ZNF500: variants seen among roughly 807,000 people sequenced by gnomAD.
ZNF500 encodes the protein zinc finger protein with KRAB and SCAN domains 18.
In ZNF500, 31 loss-of-function variants were observed where a neutral mutation model predicts 30.1. The observed-to-expected ratio is 1.03, with a 90% CI of 0.77 to 1.39. ZNF500 has a LOEUF of 1.39. Among genes scored for constraint, ZNF500 ranks in the 40% most tolerant of loss-of-function variants. ZNF500 has a pLI of 0.00. For missense variants in ZNF500, 817 were observed against 657.8 expected, an observed-to-expected ratio of 1.24 and a Z score of -2.65; for synonymous variants, 392 against 282.0, an observed-to-expected ratio of 1.39 and a Z score of -3.91.
chr16:4,749,024 C>T lies in ZNF500; in HGVS notation c.*3352G>A, dbSNP rs2082052963. 1 of 152,346 alleles carries T rather than the reference C, an allele frequency of 6.6e-6. No homozygotes were observed. Among genetic ancestry groups the T allele is most frequent in the Non-Finnish European group, 1.5e-5 (1 of 68,124 alleles). The allele number at this position is 152,346 out of a possible 1,614,324, so 9.4% of individuals were successfully genotyped here. A position where few individuals can be genotyped will look rare whatever the true frequency, so the allele number is the denominator to read the frequency against. On this transcript the variant is annotated 3_prime_UTR_variant, in exon 6 of 6. Coordinates refer to ENST00000219478, the MANE Select transcript of ZNF500 (RefSeq NM_021646.4). ...GTGATCTGGCCACTGGGGACCCCCA[C>T]CCGACCCCACTCCCAATGATGAGGG...
At chr16:4,753,416 C>G (rs1470268934) in intron 5 of ZNF500, among the ~76,000 whole-genome samples, 1 of 152,170 alleles carries the variant, frequency 6.6e-6, no homozygotes, top group Non-Finnish European at 1.5e-5. Flanking sequence ...GAGCTGTGAT[C>G]GCGCCACTAC....
chr16:4,762,171 C>T, intron 4 of ZNF500, 100 bp downstream of exon 4: 2 of 1,372,662 alleles, frequency 1.5e-6, no homozygotes, highest in Non-Finnish European at 2.0e-6. Context: ...ACATCCAAAA[C>T]CTTGGCCCCC....
chr16:4,747,667 C>G (rs763493455), downstream of ZNF500: 2 of 1,564,162 alleles, frequency 1.3e-6, no homozygotes, highest in South Asian at 1.2e-5. Context: ...CAGGGGCGGG[C>G]TGACTTGCCA....
At chr16:4,766,889 T>G (rs566645139) in intron 1 of ZNF500, 128 bp downstream of exon 1, 3 of 152,362 alleles carry the variant, frequency 2.0e-5, no homozygotes, top group Admixed American at 1.3e-4. Flanking sequence ...GCCGGGCTGC[T>G]TTCCCGTCTC....
downstream of ZNF500, chr16:4,747,223 A>C: frequency 7.5e-7 from 1 of 1,331,146 alleles, no homozygotes; most frequent in Non-Finnish European, 1.0e-6. Context: ...GGGCTGCCTG[A>C]ATTGCATTCT....
At chr16:4,762,135 G>A (rs1220151380) in intron 4 of ZNF500, 136 bp downstream of exon 4, 1 of 1,034,812 alleles carries the variant, frequency 9.7e-7, no homozygotes, top group Non-Finnish European at 1.5e-6. Flanking sequence ...GGCAAAGGGA[G>A]AAAACTCCAG....
Position 4,762,329 on chromosome 16 carries a change from G to A in ZNF500, c.605C>T (p.Pro202Leu), listed in dbSNP as rs750734584. The A allele has an allele frequency of 1.3e-5, 21 of 1,606,528 alleles. No homozygotes were observed. In the Admixed American group the frequency reaches 1.7e-4, roughly 13 times the overall value. Residue 202 changes from proline to leucine, a missense_variant, in exon 4 of 6, where the codon CCA (proline) becomes CTA (leucine). Physicochemically the swap from Pro to Leu is moderately conservative, Grantham distance 98 (BLOSUM62 -3). Transcript: ENST00000219478. ...GPLLWPERGP[P>L]APRHQEMASA... is the part of the protein sequence containing the mutation. ...CGCCATCTCCTGATGCCGGGGAGCT[G>A]GAGGGCCTGGGAAGGAGCAGAGTCA...
chr16:4,763,959 C>G, intron 2 of ZNF500: 1 of 985,460 alleles, frequency 1.0e-6, no homozygotes. Flanking sequence ...GCCCCATCCA[C>G]GCAAGGCCCT....
chr16:4,757,158 A>G (rs1038302231), intron 5 of ZNF500, among the ~76,000 whole-genome samples: 4 of 152,194 alleles, frequency 2.6e-5, no homozygotes, highest in Non-Finnish European at 5.9e-5. Flanking sequence ...AATATGGCTA[A>G]TTTTATGTTA....
intron 5 of ZNF500, 167 bp from the exon 6 acceptor site, chr16:4,753,225 C>CTGAA (rs1159048603): frequency 2.3e-6 from 3 of 1,324,244 alleles, no homozygotes; most frequent in Non-Finnish European, 2.9e-6. Flanking sequence ...CTTTGGAAGG[C>CTGAA]TGAAGTGGGA....
In ZNF500 at chr16:4,750,055, C is replaced by G. The variant is rs890967293; in HGVS notation, c.*2321G>C. The G allele has an allele frequency of 5.9e-5, 9 of 152,664 alleles. No homozygotes were observed. The highest frequency in any genetic ancestry group is 2.2e-4 in the African/African-American group (9 of 41,570). 9.5% of individuals were successfully genotyped at this position (152,664 alleles called of 1,614,324 possible). On this transcript the variant is annotated 3_prime_UTR_variant, in exon 6 of 6. Coordinates refer to ENST00000219478, the MANE Select transcript of ZNF500 (RefSeq NM_021646.4). ...GGGGAGGGAAGTGGGCAGACCCCAA[C>G]CACACTCCCCCAGAGGCCGCCACCT...
chr16:4,744,989 A>G (rs1276671969), downstream of ZNF500: 10 of 1,613,432 alleles, frequency 6.2e-6, no homozygotes, highest in Admixed American at 1.5e-4. Context: ...CCAGGACACC[A>G]AAGAGGCAGA....
At chr16:4,762,886 C>G in intron 2 of ZNF500, 130 bp from the exon 3 acceptor site, 1 of 1,423,756 alleles carries the variant, frequency 7.0e-7, no homozygotes, top group Non-Finnish European at 9.2e-7. Flanking sequence ...CAGCCTCCCT[C>G]CCTCTGCCCA....
At chr16:4,753,263 C>T in intron 5 of ZNF500, 1 of 1,002,778 alleles carries the variant, frequency 1.0e-6, no homozygotes, top group Non-Finnish European at 1.4e-6. Flanking sequence ...GAGTTCAAGA[C>T]CAGCTTGGGC....
chr16:4,766,120 T>C, intron 1 of ZNF500, 44 bp from the exon 2 acceptor site: 1 of 1,038,422 alleles, frequency 9.6e-7, no homozygotes. Context: ...GCCCTGGGGC[T>C]GGATAAGCCC....
chr16:4,744,764 A>G, downstream of ZNF500: 1 of 1,366,646 alleles, frequency 7.3e-7, no homozygotes, highest in Non-Finnish European at 1.0e-6. Flanking sequence ...GAGGAGCCTG[A>G]GGTCCATTCA....
chr16:4,766,173 C>G, intron 1 of ZNF500, 97 bp from the exon 2 acceptor site: 2 of 513,804 alleles, frequency 3.9e-6, no homozygotes, highest in East Asian at 6.4e-5. Context: ...GGCCAGCTCA[C>G]CCCACCATGG....
At chr16:4,747,679 G>A (rs1199345779), downstream of ZNF500, 1 of 1,539,948 alleles carries the variant, frequency 6.5e-7, no homozygotes, top group Non-Finnish European at 8.8e-7. Context: ...GACTTGCCAT[G>A]GACCCTGGGC....
chr16:4,748,342 C>G lies in ZNF500; in HGVS notation c.*4034G>C, dbSNP rs2082045666. 6.6e-6 allele frequency: 1 copy of G among 151,800 alleles called. No homozygotes were observed. Among genetic ancestry groups the G allele is most frequent in the Non-Finnish European group, 1.5e-5 (1 of 67,978 alleles). The allele number at this position is 151,800 out of a possible 1,614,324, so 9.4% of individuals were successfully genotyped here. ...CTGGGATTATAGCACTGTGAGCTGC[C>G]AGCCTGGCTTTTAATGAACTTTTTG... On this transcript the variant is annotated 3_prime_UTR_variant, in exon 6 of 6. Transcript: ENST00000219478.
Sources: gnomAD v4.1 joint callset for allele counts (sites outside exome capture counted in the v4.1 genomes callset) on GRCh38, gnomAD v4.1.1 for gene constraint, MANE v1.5 for transcripts, NCBI Gene and HGNC (gene_info 2026-07-23, HGNC 2026-07-21) for gene names.